Variants in TYW1 observed in about 807,000 individuals in gnomAD.
The protein encoded by TYW1 is tRNA-yW synthesizing protein 1 homolog, also known as S-adenosyl-L-methionine-dependent tRNA 4-demethylwyosine synthase TYW1.
A neutral mutation model predicts 96.2 loss-of-function variants in TYW1; 46 were observed. The observed-to-expected ratio is 0.48, with a 90% CI of 0.38 to 0.61. TYW1 has a LOEUF of 0.61. Among genes scored for constraint, TYW1 ranks in the 20% least tolerant of loss-of-function variants. TYW1 has a pLI of 0.00. For synonymous variants in TYW1, 274 were observed against 323.0 expected (o/e 0.85, Z 1.63); for missense variants, 684 against 909.6 (o/e 0.75, Z 3.19).
At chr7:67,078,894 CT>C (rs1796292977) in intron 10 of TYW1, among the ~76,000 whole-genome samples, 1 of 152,116 alleles carries the variant, frequency 6.6e-6, no homozygotes, top group African/African-American at 2.4e-5. Flanking sequence ...CAGGGTTTCA[CT>C]GTATTAGCCA....
intron 13 of TYW1, among the ~76,000 whole-genome samples, chr7:67,147,796 A>G (rs1798654377): frequency 6.6e-6 from 1 of 152,156 alleles, no homozygotes; most frequent in South Asian, 2.1e-4. Context: ...GCTTATAAGG[A>G]CAAAGGGGAG....
At position 67,029,415 on chromosome 7, in the gene TYW1, G is replaced by GTATATA. The variant is rs55802244; in HGVS notation, c.984+4406_984+4411dup. On this transcript the variant is annotated intron_variant, in intron 7 of 15. Coordinates refer to ENST00000359626, the MANE Select transcript of TYW1 (RefSeq NM_018264.4). ...TGTGTGTGTGTGTGTGTGTGTGTGTGTATATATATATATATATAAATAGTA... is the reference window on the plus strand; with the variant it reads ...TGTGTGTGTGTGTGTGTGTGTGTGTGTATATATATATATATATATATATAAATAGTA... 1.2e-3 allele frequency among the ~76,000 whole-genome samples: 109 copies of GTATATA among 94,334 alleles called. 2 individuals carry two copies. Among genetic ancestry groups the GTATATA allele is most frequent in the Admixed American group, 3.6e-3 (30 of 8,438 alleles). 61.9% of individuals were successfully genotyped at this position (94,334 alleles called of 152,430 possible). A position where few individuals can be genotyped will look rare whatever the true frequency, so the allele number is the denominator to read the frequency against.
chr7:67,009,508 T>G, intron 3 of TYW1, 75 bp from the exon 4 acceptor site: 2 of 1,318,522 alleles, frequency 1.5e-6, no homozygotes, highest in Admixed American at 4.4e-5. Context: ...GCCACATTCT[T>G]GTGCCAACAG....
At chr7:67,160,779 A>G (rs904628633) in intron 13 of TYW1, among the ~76,000 whole-genome samples, 3 of 151,104 alleles carry the variant, frequency 2.0e-5, no homozygotes, top group Admixed American at 2.0e-4. Context: ...TTTAGTAGAG[A>G]TAGGGTTTCA....
chr7:67,199,551 A>G (rs763508119), intron 15 of TYW1, among the ~76,000 whole-genome samples: 9 of 152,232 alleles, frequency 5.9e-5, no homozygotes, highest in Non-Finnish European at 1.0e-4. Context: ...ATTGTAAAAT[A>G]GTGATTTTTG....
chr7:67,184,925 C>G (rs902692553), intron 14 of TYW1, among the ~76,000 whole-genome samples: 3 of 151,792 alleles, frequency 2.0e-5, no homozygotes, highest in African/African-American at 7.3e-5. Context: ...CCAGGCTGGT[C>G]TCGAACTCCT....
intron 8 of TYW1, among the ~76,000 whole-genome samples, chr7:67,051,725 T>G (rs868711124): frequency 1.2e-3 from 157 of 132,836 alleles, no homozygotes; most frequent in African/African-American, 3.9e-3. Context: ...ACTGTTTTTG[T>G]TTTTTTGTTT....
intron 4 of TYW1, among the ~76,000 whole-genome samples, chr7:67,010,613 C>G (rs1793762292): frequency 6.6e-6 from 1 of 151,786 alleles, no homozygotes; most frequent in Non-Finnish European, 1.5e-5. Flanking sequence ...GTAGGTGGGA[C>G]TACAGGCGCC....
At chr7:67,036,530 G>A (rs1656738683) in intron 7 of TYW1, among the ~76,000 whole-genome samples, 2 of 152,002 alleles carry the variant, frequency 1.3e-5, no homozygotes, top group South Asian at 4.1e-4. Context: ...ATAAAGTGAG[G>A]ACATTCAGCT....
At chr7:67,146,056 G>A (rs533051047) in intron 13 of TYW1, among the ~76,000 whole-genome samples, 1 of 152,256 alleles carries the variant, frequency 6.6e-6, no homozygotes, top group East Asian at 1.9e-4. Context: ...GTGAGCCACC[G>A]TGCCTGGCCT....
intron 9 of TYW1, among the ~76,000 whole-genome samples, chr7:67,062,401 T>G (rs1795719734): frequency 6.7e-6 from 1 of 148,454 alleles, no homozygotes; most frequent in Non-Finnish European, 1.5e-5. Flanking sequence ...AGAGACTCTG[T>G]CTTAAAAGAA....
At chr7:67,139,453 A>C (rs1798371736) in intron 13 of TYW1, among the ~76,000 whole-genome samples, 1 of 152,184 alleles carries the variant, frequency 6.6e-6, no homozygotes, top group Non-Finnish European at 1.5e-5. Context: ...ATACATATGC[A>C]TATACACATA....
rs371433020 is a variant in TYW1, at chr7:67,103,961, C to T, written c.1562+5243C>T. On this transcript the variant is annotated intron_variant, in intron 12 of 15. Transcript: ENST00000359626. The stretch of plus-strand genomic sequence containing the variant: ...TGGGAGGGGCTTTTGACCTTACACA[C>T]ACACTAGGAAGTAATAATGTTCTCT... Among the ~76,000 whole-genome samples the T allele has an allele frequency of 8.2e-4, 125 of 152,268 alleles. 2 individuals are homozygous for T. The South Asian group carries it at 0.026, about 31-fold the overall frequency.
chr7:67,063,073 C>T (rs961235866), intron 9 of TYW1, among the ~76,000 whole-genome samples: 1 of 151,954 alleles, frequency 6.6e-6, no homozygotes, highest in African/African-American at 2.4e-5. Flanking sequence ...TGAATTCAGC[C>T]AAGTATAGAA....
intron 4 of TYW1, among the ~76,000 whole-genome samples, chr7:67,010,568 C>G (rs1391794172): frequency 6.6e-6 from 1 of 151,818 alleles, no homozygotes; most frequent in Middle Eastern, 3.2e-3. Flanking sequence ...CTCCGCCTCC[C>G]GGGTTCACGC....
chr7:67,188,086 C>T (rs1032469963), intron 14 of TYW1, among the ~76,000 whole-genome samples: 5 of 152,200 alleles, frequency 3.3e-5, no homozygotes, highest in East Asian at 1.9e-4. Context: ...TTTGGGAGGC[C>T]GAGTCAGGCA....
chr7:67,099,047 T>G (rs1797010245), intron 12 of TYW1, among the ~76,000 whole-genome samples: 2 of 149,950 alleles, frequency 1.3e-5, no homozygotes, highest in Non-Finnish European at 3.0e-5. Context: ...TTTTTTTGAG[T>G]CGGAGTCTCA....
At chr7:67,205,573 G>A (rs371740003) in intron 15 of TYW1, among the ~76,000 whole-genome samples, 2,331 of 149,820 alleles carry the variant, frequency 0.016, 57 homozygotes, top group African/African-American at 0.052. Context: ...AGGATTCCCC[G>A]CTCACCTTCT....
intron 12 of TYW1, among the ~76,000 whole-genome samples, chr7:67,111,456 C>T (rs886831360): frequency 6.6e-6 from 1 of 152,176 alleles, no homozygotes; most frequent in Non-Finnish European, 1.5e-5. Context: ...CCCTCTCGCC[C>T]TCCCAAAGTG....
Sources: gnomAD v4.1 joint callset for allele counts (sites outside exome capture counted in the v4.1 genomes callset) on GRCh38, gnomAD v4.1.1 for gene constraint, MANE v1.5 for transcripts, NCBI Gene and HGNC (gene_info 2026-07-23, HGNC 2026-07-21) for gene names.